The following UGT1A5 variants were observed in gnomAD, a reference collection of about 807,000 sequenced individuals.
The protein encoded by UGT1A5 is UDP-glucuronosyltransferase 1A5.
Under a neutral mutation model 40.3 loss-of-function variants are expected in UGT1A5, and 29 were observed. The observed-to-expected ratio is 0.72, with a 90% CI of 0.54 to 0.98. The LOEUF is 0.98. UGT1A5 is among the 50% of genes least tolerant of loss of function. UGT1A5 has a pLI of 0.00. For missense variants in UGT1A5, 678 were observed against 677.9 expected, an observed-to-expected ratio of 1.00 and a Z score of 0.00; for synonymous variants, 257 against 262.5, an observed-to-expected ratio of 0.98 and a Z score of 0.20.
intron 4 of UGT1A5, chr2:233,770,675 A>T (rs1188149827): frequency 6.6e-6 from 1 of 151,870 alleles, no homozygotes; most frequent in African/African-American, 2.4e-5. Flanking sequence ...AAAAAAAAAA[A>T]GAAGGTTCCA....
rs67292694 is a variant in UGT1A5 at position 233,757,535 on chromosome 2, A to AATATATATAT, written c.868-9482_868-9473dup. Among the ~76,000 whole-genome samples the AATATATATAT allele has an allele frequency of 5.8e-3, 509 of 88,260 alleles. 17 individuals are homozygous for AATATATATAT. Among genetic ancestry groups the AATATATATAT allele is most frequent in the African/African-American group, 0.017 (333 of 19,902 alleles). The allele number at this position is 88,260 out of a possible 152,430, so 57.9% of individuals were successfully genotyped here. A position where few individuals can be genotyped will look rare whatever the true frequency, so the allele number is the denominator to read the frequency against. On this transcript the variant is annotated intron_variant, in intron 1 of 4. Coordinates refer to ENST00000373414, the MANE Select transcript of UGT1A5 (RefSeq NM_019078.2). ...CAAAGCCAAAATCTTGCCTGTAAGG[A>AATATATATAT]ATATATATATATATATATATATATA...
chr2:233,729,786 G>C, intron 1 of UGT1A5: 4 of 1,613,972 alleles, frequency 2.5e-6, no homozygotes, highest in Non-Finnish European at 3.4e-6. Context: ...CTCTGGCCCT[G>C]TCCTACATTT....
intron 4 of UGT1A5, chr2:233,770,954 G>C (rs1038327841): frequency 2.6e-5 from 4 of 152,166 alleles, no homozygotes; most frequent in African/African-American, 9.7e-5. Flanking sequence ...ACCTCAGGGA[G>C]CTTTTACTCA....
At chr2:233,763,063 T>C (rs1220667382) in intron 1 of UGT1A5, among the ~76,000 whole-genome samples, 1 of 152,230 alleles carries the variant, frequency 6.6e-6, no homozygotes, top group Admixed American at 6.5e-5. Flanking sequence ...TTTAGATAAT[T>C]TCCTTCTTTG....
intron 1 of UGT1A5, chr2:233,729,385 G>A (rs1328190991): frequency 1.9e-6 from 3 of 1,613,954 alleles, no homozygotes; most frequent in African/African-American, 1.3e-5. Flanking sequence ...GTGGACCCAG[G>A]ATGAATTTGA....
chr2:233,746,172 C>A (rs766361306), intron 1 of UGT1A5, among the ~76,000 whole-genome samples: 1 of 151,822 alleles, frequency 6.6e-6, no homozygotes, highest in Non-Finnish European at 1.5e-5. Flanking sequence ...AAAATCTTGC[C>A]TGTAAGGAAT....
At chr2:233,730,084 A>G (rs962499834) in intron 1 of UGT1A5, 3 of 1,600,988 alleles carry the variant, frequency 1.9e-6, no homozygotes, top group African/African-American at 2.7e-5. Context: ...ATATTTACTT[A>G]TCTTTCCAAA....
rs150219224 is a variant in UGT1A5 at position 233,717,206 on chromosome 2, C to T, written c.867+3348C>T. ...CCCTCCCAGGCATGTTCCACCCTCA[C>T]CCCGGGCTCATCAGGAGGGTTCTTA... On this transcript the variant is annotated intron_variant, in intron 1 of 4. Transcript: ENST00000373414. 4.2e-3 allele frequency among the ~76,000 whole-genome samples: 642 copies of T among 152,286 alleles called. 13 individuals are homozygous for T. The highest frequency in any genetic ancestry group is 0.038 in the Admixed American group (585 of 15,298).
intron 1 of UGT1A5, among the ~76,000 whole-genome samples, chr2:233,740,527 G>T (rs1691411320): frequency 1.3e-5 from 2 of 151,834 alleles, no homozygotes; most frequent in African/African-American, 4.9e-5. Flanking sequence ...ACTAAAATCA[G>T]CTGTGTTGAA....
intron 1 of UGT1A5, among the ~76,000 whole-genome samples, chr2:233,749,248 A>AT (rs1216234192): frequency 2.0e-5 from 3 of 151,926 alleles, no homozygotes; most frequent in East Asian, 1.9e-4. Flanking sequence ...AAACCACATG[A>AT]TTTTTTTATT....
At chr2:233,714,647 C>A (rs886443122) in intron 1 of UGT1A5, among the ~76,000 whole-genome samples, 1 of 152,174 alleles carries the variant, frequency 6.6e-6, no homozygotes, top group African/African-American at 2.4e-5. Flanking sequence ...GTGAATAATG[C>A]ATTTTATTTA....
intron 1 of UGT1A5, among the ~76,000 whole-genome samples, chr2:233,752,110 GAGA>G (rs1201520833): frequency 1.3e-5 from 2 of 152,210 alleles, no homozygotes; most frequent in East Asian, 1.9e-4. Flanking sequence ...AGAATCAGAG[GAGA>G]AGAAGATGAT....
At chr2:233,748,012 G>C (rs911822936) in intron 1 of UGT1A5, 2 of 1,613,354 alleles carry the variant, frequency 1.2e-6, no homozygotes, top group Non-Finnish European at 1.7e-6. Context: ...GATTACCCCA[G>C]GCCGATCATG....
At chr2:233,743,600 C>T in intron 1 of UGT1A5, 3 of 1,367,332 alleles carry the variant, frequency 2.2e-6, no homozygotes, top group Non-Finnish European at 2.9e-6. Flanking sequence ...TGGGTCCTGG[C>T]CGCCGAAGAA....
Position 233,768,326 on chromosome 2 carries a change from G to A in UGT1A5, c.1194G>A (p.Gln398=), listed in dbSNP as rs1299905562. ...PMVMMPLFGD[Q]MDNAKRMETK... ...TGATGATGCCCTTGTTTGGTGATCAGATGGACAATGCAAAGCGCATGGAGA... is the reference window on the plus strand; with the variant it reads ...TGATGATGCCCTTGTTTGGTGATCAAATGGACAATGCAAAGCGCATGGAGA... The change falls in exon 4 of 5, where the codon CAG becomes CAA. Residue 398 remains glutamine (Q), a synonymous_variant. Transcript: ENST00000373414. 6.2e-7 allele frequency: 1 copy of A among 1,614,204 alleles called. No homozygotes were observed. The highest frequency in any genetic ancestry group is 1.3e-5 in the African/African-American group (1 of 75,056).
chr2:233,744,670 C>T (rs1462469986), intron 1 of UGT1A5, among the ~76,000 whole-genome samples: 1 of 151,906 alleles, frequency 6.6e-6, no homozygotes, highest in Non-Finnish European at 1.5e-5. Flanking sequence ...TGATATTACA[C>T]ATCACCCATG....
At chr2:233,754,942 A>T in intron 1 of UGT1A5, 4 of 1,333,346 alleles carry the variant, frequency 3.0e-6, no homozygotes, top group Non-Finnish European at 4.0e-6. Flanking sequence ...TCAAAGGAGA[A>T]TGGGTCCCGG....
At chr2:233,717,818 C>T (rs565320763) in intron 1 of UGT1A5, 84 of 455,640 alleles carry the variant, frequency 1.8e-4, no homozygotes, top group Non-Finnish European at 3.1e-4. Flanking sequence ...TTATGCAGCC[C>T]GTTCTGTTCT....
At chr2:233,758,604 G>A (rs1575759841) in intron 1 of UGT1A5, among the ~76,000 whole-genome samples, 2 of 152,306 alleles carry the variant, frequency 1.3e-5, no homozygotes, top group East Asian at 3.9e-4. Context: ...AGGAGCTTCA[G>A]TGTGCATGTG....
Sources: gnomAD v4.1 joint callset for allele counts (sites outside exome capture counted in the v4.1 genomes callset) on GRCh38, gnomAD v4.1.1 for gene constraint, MANE v1.5 for transcripts, NCBI Gene and HGNC (gene_info 2026-07-23, HGNC 2026-07-21) for gene names.